Variants in CCBE1 observed in about 807,000 individuals in gnomAD.
The protein encoded by CCBE1 is collagen and calcium binding EGF domains 1.
In CCBE1, 37 loss-of-function variants were observed where a neutral mutation model predicts 50.0. The ratio of observed to expected loss-of-function variants is 0.74; its 90% CI spans 0.57 to 0.97. CCBE1 has a LOEUF of 0.97. Ranked by LOEUF, CCBE1 falls within the 50% of genes least tolerant of loss-of-function variation. The pLI is 0.00. For synonymous variants in CCBE1, 234 were observed against 203.7 expected (o/e 1.15, Z -1.27); for missense variants, 538 against 523.8 (o/e 1.03, Z -0.26).
At chr18:59,668,074 T>C (rs568742750) in intron 2 of CCBE1, among the ~76,000 whole-genome samples, 2 of 152,196 alleles carry the variant, frequency 1.3e-5, no homozygotes, top group South Asian at 4.2e-4. Flanking sequence ...CGTGTATACC[T>C]ATGTAACAAA....
chr18:59,662,394 A>G (rs1473160025), intron 2 of CCBE1, among the ~76,000 whole-genome samples: 1 of 152,254 alleles, frequency 6.6e-6, no homozygotes, highest in Non-Finnish European at 1.5e-5. Context: ...AACGTATATT[A>G]CAAGGTGGAT....
chr18:59,642,377 G>A (rs2054001305), intron 2 of CCBE1, among the ~76,000 whole-genome samples: 1 of 152,194 alleles, frequency 6.6e-6, no homozygotes, highest in Admixed American at 6.5e-5. Flanking sequence ...TCCATTGCTA[G>A]TGGGAGTGTA....
intron 2 of CCBE1, among the ~76,000 whole-genome samples, chr18:59,672,741 C>T (rs540119536): frequency 1.4e-4 from 21 of 152,182 alleles, no homozygotes; most frequent in African/African-American, 4.3e-4. Context: ...CTAAGTGTTG[C>T]GGTGGTTTGT....
intron 2 of CCBE1, among the ~76,000 whole-genome samples, chr18:59,654,085 G>A (rs541564744): frequency 1.9e-4 from 29 of 152,352 alleles, no homozygotes; most frequent in Admixed American, 3.3e-4. Flanking sequence ...ATTAATGACA[G>A]AAGAGTGAAA....
chr18:59,508,324 G>A (rs1408614726), intron 2 of CCBE1, among the ~76,000 whole-genome samples: 1 of 152,202 alleles, frequency 6.6e-6, no homozygotes, highest in East Asian at 1.9e-4. Context: ...CTCACTGGGT[G>A]TGGTGGCTCA....
At chr18:59,540,239 CT>C (rs960365100) in intron 2 of CCBE1, among the ~76,000 whole-genome samples, 5 of 151,974 alleles carry the variant, frequency 3.3e-5, no homozygotes, top group African/African-American at 7.2e-5. Context: ...AAACATTAGA[CT>C]TTTTTTTGTT....
intron 2 of CCBE1, among the ~76,000 whole-genome samples, chr18:59,629,290 C>A (rs1407685047): frequency 6.6e-6 from 1 of 152,226 alleles, no homozygotes; most frequent in Non-Finnish European, 1.5e-5. Context: ...TCCCTCATCT[C>A]TTTCTGGTCT....
intron 2 of CCBE1, among the ~76,000 whole-genome samples, chr18:59,609,421 G>C (rs1467090500): frequency 2.0e-5 from 3 of 152,162 alleles, no homozygotes; most frequent in Admixed American, 2.0e-4. Flanking sequence ...CATTAGAACA[G>C]CTCCTTCCTA....
chr18:59,667,345 T>C (rs375309879), intron 2 of CCBE1, among the ~76,000 whole-genome samples: 238 of 152,184 alleles, frequency 1.6e-3, no homozygotes, highest in African/African-American at 5.4e-3. Context: ...TGCAGAAAAA[T>C]TAGAAACTGC....
At chr18:59,544,342 C>CTGTA (rs200341352) in intron 2 of CCBE1, among the ~76,000 whole-genome samples, 32,262 of 151,938 alleles carry the variant, frequency 0.21, 3,609 homozygotes, top group Admixed American at 0.24. Flanking sequence ...AAATCCATTG[C>CTGTA]TGTAGGCTTT....
intron 2 of CCBE1, among the ~76,000 whole-genome samples, chr18:59,520,703 T>C (rs988126587): frequency 4.6e-5 from 7 of 152,262 alleles, no homozygotes; most frequent in Admixed American, 3.9e-4. Context: ...TCATGTTTCC[T>C]GACAGTATAT....
intron 2 of CCBE1, among the ~76,000 whole-genome samples, chr18:59,505,752 T>C (rs1237209792): frequency 6.6e-6 from 1 of 152,228 alleles, no homozygotes; most frequent in African/African-American, 2.4e-5. Flanking sequence ...TAGGGCTCAT[T>C]TTCCTGGCAG....
intron 2 of CCBE1, among the ~76,000 whole-genome samples, chr18:59,641,473 G>A (rs1213386898): frequency 1.3e-5 from 2 of 152,008 alleles, no homozygotes; most frequent in African/African-American, 2.4e-5. Context: ...GGAGGGTGAG[G>A]ACCGAAACAC....
chr18:59,551,876 T>G (rs1042083528), intron 2 of CCBE1, among the ~76,000 whole-genome samples: 1 of 152,238 alleles, frequency 6.6e-6, no homozygotes, highest in Admixed American at 6.5e-5. Flanking sequence ...GTCTGCAATA[T>G]GCATTAGGTA....
intron 3 of CCBE1, among the ~76,000 whole-genome samples, chr18:59,478,701 G>A (rs1297763990): frequency 6.6e-6 from 1 of 152,156 alleles, no homozygotes; most frequent in African/African-American, 2.4e-5. Context: ...GGTTGGGCAA[G>A]GTCTTTAGAT....
rs114741257 is a variant in CCBE1 at position 59,508,222 on chromosome 18, T to C, written c.213-27984A>G. On this transcript the variant is annotated intron_variant, in intron 2 of 10. Transcript: ENST00000439986. ...TAGTACTTCTCTTGGACAAAGACAA[T>C]ATAGTACAGTGACTAAGAGCTTTGG... is the stretch of plus-strand genomic sequence containing the variant. Among the ~76,000 whole-genome samples, 1,096 of 150,612 alleles carry C rather than the reference T, an allele frequency of 7.3e-3. 19 individuals carry two copies. The highest frequency in any genetic ancestry group is 0.026 in the African/African-American group (1,052 of 41,170).
intron 2 of CCBE1, among the ~76,000 whole-genome samples, chr18:59,628,840 T>C (rs1160580646): frequency 2.0e-5 from 3 of 152,242 alleles, no homozygotes; most frequent in Middle Eastern, 6.8e-3. Flanking sequence ...AACCAAAAAC[T>C]CAGAGCCATC....
chr18:59,621,787 C>T (rs2053713536), intron 2 of CCBE1, among the ~76,000 whole-genome samples: 1 of 152,172 alleles, frequency 6.6e-6, no homozygotes, highest in Non-Finnish European at 1.5e-5. Flanking sequence ...TTAGTCTTTT[C>T]TTTCAGTCTA....
At chr18:59,487,145 G>A (rs905594741) in intron 2 of CCBE1, among the ~76,000 whole-genome samples, 3 of 147,844 alleles carry the variant, frequency 2.0e-5, no homozygotes, top group Non-Finnish European at 3.0e-5. Flanking sequence ...TGGCTTCCTC[G>A]CACTGTCAAC....
Sources: gnomAD v4.1 joint callset for allele counts (sites outside exome capture counted in the v4.1 genomes callset) on GRCh38, gnomAD v4.1.1 for gene constraint, MANE v1.5 for transcripts, NCBI Gene and HGNC (gene_info 2026-07-23, HGNC 2026-07-21) for gene names.